The following GFRA2 variants were observed in gnomAD, a reference collection of about 807,000 sequenced individuals.
The protein encoded by GFRA2 is GDNF family receptor alpha 2.
In GFRA2, 17 loss-of-function variants were observed where a neutral mutation model predicts 48.3. The observed-to-expected ratio is 0.35, with a 90% CI of 0.24 to 0.53. GFRA2 has a LOEUF of 0.53. Ranked by LOEUF, GFRA2 falls within the 20% of genes least tolerant of loss-of-function variation. The pLI is 0.93. For missense variants in GFRA2, 660 were observed against 637.3 expected (o/e 1.04, Z -0.38); for synonymous variants, 305 against 257.2 (o/e 1.19, Z -1.78).
At chr8:21,714,070 T>C (rs1287724770) in intron 4 of GFRA2, among the ~76,000 whole-genome samples, 1 of 152,136 alleles carries the variant, frequency 6.6e-6, no homozygotes, top group Non-Finnish European at 1.5e-5. Context: ...CCCAGCACTA[T>C]GCTTTGGTCT....
chr8:21,806,977 A>C (rs1174556873), intron 1 of GFRA2, among the ~76,000 whole-genome samples: 2 of 152,160 alleles, frequency 1.3e-5, no homozygotes, highest in African/African-American at 4.8e-5. Flanking sequence ...GCTTCCTAAA[A>C]ACAGAAACCA....
Position 21,712,852 on chromosome 8 carries a change from C to T in GFRA2, c.795-6811G>A, listed in dbSNP as rs554753901. Among the ~76,000 whole-genome samples, 180 of 152,294 alleles carry T rather than the reference C, an allele frequency of 1.2e-3. 2 individuals carry two copies. Among genetic ancestry groups the T allele is most frequent in the Admixed American group, 8.1e-3 (124 of 15,304 alleles). On this transcript the variant is annotated intron_variant, in intron 4 of 8. Transcript: ENST00000524240. ...AAACCCCATCTCCACCAAAAAAATA[C>T]GAAAACCAGTCAGGCGTGGCGGTGC...
intron 3 of GFRA2, among the ~76,000 whole-genome samples, chr8:21,774,344 T>C (rs6420163): frequency 0.54 from 82,462 of 151,794 alleles, 26,115 homozygotes; most frequent in African/African-American, 0.88. Context: ...CGGTATCACT[T>C]CCCAAGGAGG....
chr8:21,762,318 G>C (rs888223692), intron 3 of GFRA2, among the ~76,000 whole-genome samples: 1 of 152,142 alleles, frequency 6.6e-6, no homozygotes, highest in Non-Finnish European at 1.5e-5. Context: ...TTGCCTCCCA[G>C]TCCTCTCAGT....
intron 4 of GFRA2, among the ~76,000 whole-genome samples, chr8:21,735,487 T>C (rs887205544): frequency 6.6e-6 from 1 of 151,954 alleles, no homozygotes; most frequent in Non-Finnish European, 1.5e-5. Flanking sequence ...CTTGGGCCAG[T>C]AGGCAAGGTG....
upstream of GFRA2, among the ~76,000 whole-genome samples, chr8:21,792,194 G>T (rs1807584772): frequency 6.6e-6 from 1 of 152,228 alleles, no homozygotes; most frequent in African/African-American, 2.4e-5. Context: ...AAGGACCAGT[G>T]GAGGGGAGGG....
intron 2 of GFRA2, among the ~76,000 whole-genome samples, chr8:21,777,326 GT>G (rs1284509189): frequency 6.6e-6 from 1 of 151,916 alleles, no homozygotes; most frequent in African/African-American, 2.4e-5. Flanking sequence ...CCGGGGTGGT[GT>G]GGGGGCCTGT....
At chr8:21,799,175 T>C (rs1807727612) in intron 2 of GFRA2, among the ~76,000 whole-genome samples, 4 of 151,820 alleles carry the variant, frequency 2.6e-5, no homozygotes, top group Admixed American at 2.6e-4. Flanking sequence ...TTCTCTTTCC[T>C]CCCCTTCCGT....
chr8:21,786,774 C>G (rs1807291737), intron 1 of GFRA2, among the ~76,000 whole-genome samples: 1 of 152,160 alleles, frequency 6.6e-6, no homozygotes, highest in South Asian at 2.1e-4. Context: ...TGACTCCGGT[C>G]CCCTATCCTA....
At chr8:21,749,486 C>T (rs1461774649) in intron 4 of GFRA2, among the ~76,000 whole-genome samples, 10 of 151,428 alleles carry the variant, frequency 6.6e-5, no homozygotes, top group African/African-American at 4.8e-5. Context: ...TAGGACCGTC[C>T]GACTCCAGGA....
intron 2 of GFRA2, among the ~76,000 whole-genome samples, chr8:21,796,925 G>C (rs1263687923): frequency 1.3e-5 from 2 of 152,180 alleles, no homozygotes; most frequent in Non-Finnish European, 2.9e-5. Flanking sequence ...TTTTCTGCAA[G>C]TTTGCCTCCC....
chr8:21,699,081 G>T (rs542460959), intron 7 of GFRA2, among the ~76,000 whole-genome samples: 4 of 152,196 alleles, frequency 2.6e-5, no homozygotes, highest in African/African-American at 9.6e-5. Flanking sequence ...GCTTCATCCT[G>T]TCAATCCTCC....
chr8:21,723,306 G>C (rs1803693808), intron 4 of GFRA2, among the ~76,000 whole-genome samples: 1 of 152,080 alleles, frequency 6.6e-6, no homozygotes, highest in African/African-American at 2.4e-5. Flanking sequence ...CTTCTACTGG[G>C]GTCTCTCTCA....
rs753127064 is a variant in GFRA2 at position 21,695,342 on chromosome 8, A to G, written c.1219-825T>C. 1.2e-4 allele frequency among the ~76,000 whole-genome samples: 18 copies of G among 152,166 alleles called. 1 individual carries two copies. The highest frequency in any genetic ancestry group is 1.6e-4 in the Non-Finnish European group (11 of 68,028). On this transcript the variant is annotated intron_variant, in intron 7 of 8. Transcript: ENST00000524240. The stretch of plus-strand genomic sequence containing the variant: ...TCCAGGATTCAAATGGCTTGTTCCC[A>G]GGGCACTTCCAGGGAAGTTCTGGCC...
At chr8:21,759,162 G>T (rs761432338) in intron 3 of GFRA2, among the ~76,000 whole-genome samples, 1 of 151,860 alleles carries the variant, frequency 6.6e-6, no homozygotes, top group South Asian at 2.1e-4. Flanking sequence ...AGGCTGAGGC[G>T]GGCAGATCAC....
chr8:21,707,455 C>T (rs975574696), intron 4 of GFRA2, among the ~76,000 whole-genome samples: 1 of 152,176 alleles, frequency 6.6e-6, no homozygotes, highest in Non-Finnish European at 1.5e-5. Context: ...TGAGGGGGCC[C>T]CCACCATGCA....
Position 21,706,044 on chromosome 8 carries a change from G to A in GFRA2, c.795-3C>T, listed in dbSNP as rs1366458790. 9 of 1,554,144 alleles carry A rather than the reference G, an allele frequency of 5.8e-6. No homozygotes were observed. The highest frequency in any genetic ancestry group is 7.9e-6 in the Non-Finnish European group (9 of 1,145,964). ...CATGGAAGTCGGCCAGCCGGGACCT[G>A]GTGGTGGGTAGAAGACGCAATAGAG... On this transcript the variant is annotated splice_polypyrimidine_tract_variant and splice_region_variant and intron_variant, in intron 4 of 8. Coordinates refer to ENST00000524240, the MANE Select transcript of GFRA2 (RefSeq NM_001495.5).
In GFRA2 at chr8:21,788,545, G is replaced by A; in HGVS notation, c.-386C>T. 9.8e-7 allele frequency: 1 copy of A among 1,018,460 alleles called. No individual in the cohort carries two copies. Among genetic ancestry groups the A allele is most frequent in the Non-Finnish European group, 1.2e-6 (1 of 852,346 alleles). The allele number at this position is 1,018,460 out of a possible 1,614,324, so 63.1% of individuals were successfully genotyped here. A position where few individuals can be genotyped will look rare whatever the true frequency, so the allele number is the denominator to read the frequency against. Reference sequence around the variant, plus strand: ...CCCAGGAGGGGCCTGGGGAGGTGGGGAGAGAGGCGATTTGCGAGTGAAGGG... The same window carrying A: ...CCCAGGAGGGGCCTGGGGAGGTGGGAAGAGAGGCGATTTGCGAGTGAAGGG... On this transcript the variant is annotated 5_prime_UTR_variant, in exon 1 of 9. Transcript: ENST00000524240.
chr8:21,761,538 T>C (rs773967335), intron 3 of GFRA2, among the ~76,000 whole-genome samples: 2 of 152,194 alleles, frequency 1.3e-5, no homozygotes, highest in Non-Finnish European at 2.9e-5. Context: ...AAAACTGGGA[T>C]AGAACATCTA....
Sources: allele counts gnomAD v4.1 joint callset (sites outside exome capture counted in the v4.1 genomes callset), GRCh38; gene constraint gnomAD v4.1.1; transcripts MANE v1.5; gene names NCBI Gene and HGNC (gene_info 2026-07-23, HGNC 2026-07-21).